Variants in KAZN observed in about 807,000 individuals in gnomAD.
KAZN encodes kazrin, periplakin interacting protein, also known as kazrin.
A neutral mutation model predicts 87.4 loss-of-function variants in KAZN; 40 were observed. The ratio of observed to expected loss-of-function variants is 0.46; its 90% CI spans 0.36 to 0.60. KAZN has a LOEUF of 0.60. Among genes scored for constraint, KAZN ranks in the 20% least tolerant of loss-of-function variants. The probability of loss-of-function intolerance (pLI) is 0.00; values close to 1 mark genes in which losing one functional copy is unlikely to be tolerated. For synonymous variants in KAZN, 466 were observed against 458.3 expected (o/e 1.02, Z -0.22); for missense variants, 898 against 1,073.9 (o/e 0.84, Z 2.29).
intron 2 of KAZN, among the ~76,000 whole-genome samples, chr1:15,024,448 C>A (rs1670982582): frequency 6.6e-6 from 1 of 152,220 alleles, no homozygotes; most frequent in South Asian, 2.1e-4. Flanking sequence ...GGAATGAGAG[C>A]TGGAGAGGGA....
chr1:13,983,484 C>G (rs561503185), intron 1 of KAZN, among the ~76,000 whole-genome samples: 19 of 152,374 alleles, frequency 1.2e-4, no homozygotes, highest in African/African-American at 4.6e-4. Context: ...CCCACGACCA[C>G]CTGGAACTCT....
chr1:14,218,389 A>C lies in KAZN; in HGVS notation c.249+37797A>C, dbSNP rs181138952. 7.9e-5 allele frequency among the ~76,000 whole-genome samples: 12 copies of C among 152,290 alleles called. No individual in the cohort carries two copies. The East Asian group carries it at 1.5e-3, about 20-fold the overall frequency. On this transcript the variant is annotated intron_variant, in intron 2 of 16. Transcript: ENST00000636203. ...TGACATCTCTAGGACCCAGATTATG[A>C]TCTTGAAATACTATTTCCCACTAAA...
intron 2 of KAZN, among the ~76,000 whole-genome samples, chr1:14,365,959 T>C (rs952812037): frequency 2.0e-5 from 3 of 152,238 alleles, no homozygotes; most frequent in Non-Finnish European, 4.4e-5. Context: ...TAGATTTCCC[T>C]ACCTGGAGGC....
At chr1:14,224,028 A>T (rs1487745350) in intron 2 of KAZN, among the ~76,000 whole-genome samples, 3 of 152,198 alleles carry the variant, frequency 2.0e-5, no homozygotes, top group Non-Finnish European at 4.4e-5. Context: ...AATAAGACCT[A>T]CAGTCTTTTT....
At chr1:14,405,620 G>A (rs1021105241) in intron 2 of KAZN, among the ~76,000 whole-genome samples, 40 of 150,972 alleles carry the variant, frequency 2.6e-4, no homozygotes, top group East Asian at 3.9e-4. Context: ...GTGTGTGTGT[G>A]TGTGTGTGTG....
At chr1:14,654,449 C>T (rs1638660578) in intron 1 of KAZN, among the ~76,000 whole-genome samples, 1 of 152,104 alleles carries the variant, frequency 6.6e-6, no homozygotes, top group Non-Finnish European at 1.5e-5. Flanking sequence ...CCCCCGCTGC[C>T]TCTCATGCTC....
Position 14,411,837 on chromosome 1 carries a change from AG to A in KAZN, c.250-187145del, listed in dbSNP as rs1207780202. Among the ~76,000 whole-genome samples the A allele has an allele frequency of 2.0e-5, 3 of 152,006 alleles. No homozygotes were observed. In the East Asian group the frequency reaches 5.8e-4, roughly 29 times the overall value. On this transcript the variant is annotated intron_variant, in intron 2 of 16. Transcript: ENST00000636203. ...GACAGTAATAACACGTAACATAAAA[AG>A]AAAGTCTATGAGTTAAAAAGTTCTG...
chr1:14,283,101 C>G (rs1325282062), intron 2 of KAZN, among the ~76,000 whole-genome samples: 1 of 152,208 alleles, frequency 6.6e-6, no homozygotes, highest in Non-Finnish European at 1.5e-5. Context: ...CCTGCCACTT[C>G]CAAGCCAGAT....
chr1:14,810,992 T>C lies in KAZN; in HGVS notation c.227-149692T>C, dbSNP rs951221093. Among the ~76,000 whole-genome samples the C allele has an allele frequency of 3.3e-5, 5 of 152,324 alleles. 1 individual carries two copies. In the South Asian group the frequency reaches 1.0e-3, roughly 32 times the overall value. ...CTTCCGTCTTTTCAGATTTGGAGAT[T>C]TATGGACCAACTGCTCTTTGGTGGC... On this transcript the variant is annotated intron_variant, in intron 1 of 14. Transcript: ENST00000376030.
At chr1:14,419,924 G>A (rs986295053) in intron 2 of KAZN, among the ~76,000 whole-genome samples, 10 of 152,156 alleles carry the variant, frequency 6.6e-5, no homozygotes, top group Non-Finnish European at 2.9e-5. Context: ...ATTGCAAAGA[G>A]CGAAAGAACA....
At chr1:14,328,250 T>C (rs983977414) in intron 2 of KAZN, among the ~76,000 whole-genome samples, 11 of 152,224 alleles carry the variant, frequency 7.2e-5, no homozygotes, top group Admixed American at 7.2e-4. Flanking sequence ...ATAAAAGTGA[T>C]ATGTATGTGT....
At chr1:14,477,996 G>C (rs571366752) in intron 2 of KAZN, among the ~76,000 whole-genome samples, 3 of 152,184 alleles carry the variant, frequency 2.0e-5, no homozygotes, top group Admixed American at 6.5e-5. Flanking sequence ...TGTCTCCACA[G>C]CTCACCGCTA....
chr1:14,368,443 TGTG>T lies in KAZN; in HGVS notation c.249+187854_249+187856del, dbSNP rs559410457. ...ATCCATCCATTAGGCACTCCCATGA[TGTG>T]GTCATCAACAAAGCTTCTAGGTCTC... is the stretch of plus-strand genomic sequence containing the variant. On this transcript the variant is annotated intron_variant, in intron 2 of 16. Coordinates refer to the KAZN transcript ENST00000636203. 1.8e-4 allele frequency among the ~76,000 whole-genome samples: 27 copies of T among 152,340 alleles called. 1 individual carries two copies. The South Asian group carries it at 5.6e-3, about 32-fold the overall frequency.
chr1:13,983,491 C>T (rs1056876426), intron 1 of KAZN, among the ~76,000 whole-genome samples: 2 of 152,242 alleles, frequency 1.3e-5, no homozygotes, highest in African/African-American at 2.4e-5. Flanking sequence ...CCACCTGGAA[C>T]TCTAGCTGGC....
chr1:13,897,243 A>G (rs1639079271), intron 1 of KAZN, among the ~76,000 whole-genome samples: 1 of 152,228 alleles, frequency 6.6e-6, no homozygotes, highest in South Asian at 2.1e-4. Flanking sequence ...CATAAAGCCA[A>G]TAATACTTAT....
At chr1:13,924,531 C>T (rs999040857) in intron 1 of KAZN, among the ~76,000 whole-genome samples, 52 of 152,344 alleles carry the variant, frequency 3.4e-4, no homozygotes, top group African/African-American at 1.2e-3. Context: ...CTGGGAACCG[C>T]TTAGGGCAAA....
At chr1:15,085,620 G>A (rs776795380) in intron 8 of KAZN, among the ~76,000 whole-genome samples, 15 of 152,130 alleles carry the variant, frequency 9.9e-5, no homozygotes, top group South Asian at 6.2e-4. Context: ...GAGCCACCAC[G>A]CACCACCCAC....
chr1:13,964,166 T>C (rs555112850), intron 1 of KAZN, among the ~76,000 whole-genome samples: 2 of 152,332 alleles, frequency 1.3e-5, no homozygotes, highest in African/African-American at 4.8e-5. Flanking sequence ...ATATTCTATG[T>C]GCATCAGTGA....
chr1:14,456,714 T>C (rs1667585650), intron 2 of KAZN, among the ~76,000 whole-genome samples: 2 of 152,206 alleles, frequency 1.3e-5, no homozygotes, highest in Non-Finnish European at 2.9e-5. Flanking sequence ...AGCATTCTTA[T>C]ATGCACCCTT....
Sources: allele counts gnomAD v4.1 joint callset (sites outside exome capture counted in the v4.1 genomes callset), GRCh38; gene constraint gnomAD v4.1.1; transcripts MANE v1.5; gene names NCBI Gene and HGNC (gene_info 2026-07-23, HGNC 2026-07-21).